The following ANO4 variants were observed in gnomAD, a reference collection of about 807,000 sequenced individuals.
The protein encoded by ANO4 is anoctamin-4.
A neutral mutation model predicts 141.9 loss-of-function variants in ANO4; 69 were observed. That is an observed-to-expected ratio of 0.49 (90% CI 0.40 to 0.59). ANO4 has a LOEUF of 0.59. Ranked by LOEUF, ANO4 falls within the 20% of genes least tolerant of loss-of-function variation. The pLI, the probability that ANO4 is intolerant of heterozygous loss-of-function variation, is 0.00. For synonymous variants in ANO4, 350 were observed against 394.3 expected (o/e 0.89, Z 1.33); for missense variants, 894 against 1,162.2 (o/e 0.77, Z 3.36).
At chr12:100,989,750 T>TATGGATGGATGG (rs370125379) in intron 8 of ANO4, among the ~76,000 whole-genome samples, 14 of 115,502 alleles carry the variant, frequency 1.2e-4, no homozygotes, top group East Asian at 9.7e-4. Context: ...TGGATGGATA[T>TATGGATGGATGG]ATGGATGGAT....
chr12:101,101,474 C>CTGTT (rs777288070), intron 22 of ANO4, among the ~76,000 whole-genome samples: 1 of 151,934 alleles, frequency 6.6e-6, no homozygotes, highest in Admixed American at 6.6e-5. Context: ...GTGGGTTTTT[C>CTGTT]TGTTTGTTTG....
chr12:100,882,359 A>G (rs2135960124), intron 1 of ANO4, among the ~76,000 whole-genome samples: 1 of 152,302 alleles, frequency 6.6e-6, no homozygotes, highest in Admixed American at 6.5e-5. Context: ...ATTGTGAATA[A>G]CCAGCATCTT....
intron 1 of ANO4, among the ~76,000 whole-genome samples, chr12:100,844,644 G>A (rs376018791): frequency 3.0e-4 from 46 of 152,056 alleles, no homozygotes; most frequent in African/African-American, 1.1e-3. Flanking sequence ...GTGGAGGGTG[G>A]AACCCTTTGT....
intron 1 of ANO4, among the ~76,000 whole-genome samples, chr12:100,811,499 C>G (rs909399765): frequency 2.6e-5 from 4 of 152,136 alleles, no homozygotes; most frequent in African/African-American, 4.8e-5. Context: ...TTGTCAGACC[C>G]TGACTTTTGA....
At chr12:100,948,008 C>T (rs1186681114) in intron 5 of ANO4, among the ~76,000 whole-genome samples, 2 of 151,832 alleles carry the variant, frequency 1.3e-5, no homozygotes, top group Admixed American at 6.6e-5. Context: ...ATGGTGAAAC[C>T]CTGTCTTTAC....
intron 1 of ANO4, among the ~76,000 whole-genome samples, chr12:100,863,766 G>T (rs1007918765): frequency 6.6e-6 from 1 of 152,108 alleles, no homozygotes; most frequent in Non-Finnish European, 1.5e-5. Flanking sequence ...GTTTAAAATT[G>T]CCAGAAATGG....
chr12:100,760,546 C>T (rs1391900290), intron 3 of ANO4, among the ~76,000 whole-genome samples: 1 of 152,172 alleles, frequency 6.6e-6, no homozygotes, highest in African/African-American at 2.4e-5. Flanking sequence ...AGTATTGAGT[C>T]AATCCCTAAG....
intron 9 of ANO4, among the ~76,000 whole-genome samples, chr12:101,020,451 G>A (rs141976647): frequency 1.3e-5 from 2 of 152,306 alleles, no homozygotes; most frequent in African/African-American, 4.8e-5. Context: ...TTGTGTTCAA[G>A]AAATTAAAAG....
chr12:101,107,201 T>C (rs1737638558), intron 22 of ANO4, among the ~76,000 whole-genome samples: 1 of 152,218 alleles, frequency 6.6e-6, no homozygotes, highest in Non-Finnish European at 1.5e-5. Context: ...TATTTCTACC[T>C]GATAGGTTTT....
intron 2 of ANO4, among the ~76,000 whole-genome samples, chr12:100,737,643 A>G (rs2031672807): frequency 6.6e-6 from 1 of 152,212 alleles, no homozygotes; most frequent in South Asian, 2.1e-4. Flanking sequence ...TGCATAGGCA[A>G]TGGGCAATAT....
chr12:100,843,303 C>T (rs7302867), intron 1 of ANO4, among the ~76,000 whole-genome samples: 2,666 of 152,242 alleles, frequency 0.018, 75 homozygotes, highest in African/African-American at 0.06. Context: ...AAATTATTGT[C>T]AAGCTAAGTC....
At chr12:100,950,356 A>AT (rs2042920864) in intron 5 of ANO4, among the ~76,000 whole-genome samples, 1 of 152,230 alleles carries the variant, frequency 6.6e-6, no homozygotes, top group Non-Finnish European at 1.5e-5. Context: ...AGAAAGGAGA[A>AT]TTTAGGACAG....
At chr12:101,048,600 A>C (rs2047732976) in intron 14 of ANO4, among the ~76,000 whole-genome samples, 199 bp downstream of exon 14, 1 of 152,232 alleles carries the variant, frequency 6.6e-6, no homozygotes, top group African/African-American at 2.4e-5. Context: ...GATTTCTCTT[A>C]AACCTTCAAC....
intron 13 of ANO4, among the ~76,000 whole-genome samples, chr12:101,044,839 G>T: frequency 6.6e-6 from 1 of 152,150 alleles, no homozygotes; most frequent in East Asian, 1.9e-4. Context: ...GACCTGAGTG[G>T]ATAAGGATAA....
chr12:100,873,357 G>A (rs2039128709), intron 1 of ANO4, among the ~76,000 whole-genome samples: 1 of 152,192 alleles, frequency 6.6e-6, no homozygotes, highest in Admixed American at 6.5e-5. Context: ...CTAGAAACTT[G>A]TTAAGTTGTT....
chr12:101,092,531 A>G (rs1593249358), intron 17 of ANO4, among the ~76,000 whole-genome samples: 1 of 151,386 alleles, frequency 6.6e-6, no homozygotes, highest in South Asian at 2.1e-4. Flanking sequence ...AGCGGCTGTG[A>G]GTCCCTCTGT....
intron 2 of ANO4, among the ~76,000 whole-genome samples, chr12:100,919,822 T>C (rs1161313011): frequency 6.6e-6 from 1 of 151,918 alleles, no homozygotes; most frequent in African/African-American, 2.4e-5. Context: ...TTCCTCACCT[T>C]TTCATTATAA....
intron 1 of ANO4, among the ~76,000 whole-genome samples, chr12:100,806,524 GTTTTTTTTTT>G (rs763949654): frequency 1.7e-3 from 102 of 59,802 alleles, no homozygotes; most frequent in Non-Finnish European, 2.0e-3. Flanking sequence ...TTTTTGTTTC[GTTTTTTTTTT>G]TTTTTTTTTT....
intron 25 of ANO4, among the ~76,000 whole-genome samples, 169 bp downstream of exon 25, chr12:101,116,967 AC>A (rs1261118669): frequency 2.0e-5 from 3 of 152,212 alleles, no homozygotes; most frequent in African/African-American, 7.2e-5. Flanking sequence ...TGCCCGGGAT[AC>A]AACCCAAACC....
Sources: allele counts gnomAD v4.1 joint callset (sites outside exome capture counted in the v4.1 genomes callset), GRCh38; gene constraint gnomAD v4.1.1; transcripts MANE v1.5; gene names NCBI Gene and HGNC (gene_info 2026-07-23, HGNC 2026-07-21).